Variants in HYDIN observed in about 807,000 individuals in gnomAD.
HYDIN encodes axonemal central pair apparatus protein HYDIN.
In HYDIN, 132 loss-of-function variants were observed where a neutral mutation model predicts 403.9. The ratio of observed to expected loss-of-function variants is 0.33; its 90% CI spans 0.28 to 0.38. HYDIN has a LOEUF of 0.38. HYDIN is among the 10% of genes least tolerant of loss of function. The probability of loss-of-function intolerance (pLI) is 1.00; values close to 1 mark genes in which losing one functional copy is unlikely to be tolerated. For missense variants in HYDIN, 2,827 were observed against 5,009.5 expected (o/e 0.56, Z 13.15); for synonymous variants, 1,202 against 1,891.7 (o/e 0.64, Z 9.46).
chr16:70,941,371 T>G (rs1241988798), intron 43 of HYDIN: 1 of 283,536 alleles, frequency 3.5e-6, no homozygotes, highest in African/African-American at 2.2e-5. Context: ...AGGAAATCAG[T>G]TGCCTGAGTC....
At chr16:71,222,511 A>G (rs1487752903) in intron 1 of HYDIN, among the ~76,000 whole-genome samples, 2 of 152,128 alleles carry the variant, frequency 1.3e-5, no homozygotes, top group African/African-American at 4.8e-5. Flanking sequence ...AAAAAAATAA[A>G]GGGCATCCAA....
intron 18 of HYDIN, among the ~76,000 whole-genome samples, chr16:71,056,379 T>C (rs1302472387): frequency 6.6e-6 from 1 of 152,022 alleles, no homozygotes; most frequent in Admixed American, 6.6e-5. Flanking sequence ...CATTCCATAC[T>C]ATATGAAGAG....
chr16:70,878,222 C>T (rs979230641), intron 62 of HYDIN, among the ~76,000 whole-genome samples: 18 of 150,862 alleles, frequency 1.2e-4, no homozygotes, highest in African/African-American at 4.4e-4. Context: ...CTCTTGCCTG[C>T]CACCACGTAA....
chr16:71,089,485 T>G (rs2083041763), intron 11 of HYDIN, among the ~76,000 whole-genome samples: 1 of 152,054 alleles, frequency 6.6e-6, no homozygotes, highest in African/African-American at 2.4e-5. Context: ...ATGAGAGATC[T>G]CAAAGAAACT....
intron 47 of HYDIN, among the ~76,000 whole-genome samples, chr16:70,916,263 G>A (rs531423621): frequency 9.5e-4 from 144 of 152,280 alleles, no homozygotes; most frequent in Middle Eastern, 3.4e-3. Flanking sequence ...AAAGATCCCT[G>A]TGATGCCAGA....
At chr16:71,056,359 ACT>A (rs1846554954) in intron 18 of HYDIN, among the ~76,000 whole-genome samples, 1 of 151,920 alleles carries the variant, frequency 6.6e-6, no homozygotes, top group South Asian at 2.1e-4. Context: ...TATAATCTTC[ACT>A]GTTTCTTCAT....
intron 36 of HYDIN, among the ~76,000 whole-genome samples, chr16:70,968,581 C>T (rs2078651266): frequency 6.6e-6 from 1 of 152,108 alleles, no homozygotes; most frequent in Non-Finnish European, 1.5e-5. Context: ...TACTGTTTGT[C>T]AAAGAAGGCC....
At chr16:71,074,102 C>T (rs1018821510) in intron 13 of HYDIN, among the ~76,000 whole-genome samples, 2 of 152,238 alleles carry the variant, frequency 1.3e-5, no homozygotes, top group African/African-American at 4.8e-5. Flanking sequence ...AGGAATGGAA[C>T]TTAGTGTCAA....
At chr16:71,049,439 C>T (rs1401859052) in intron 18 of HYDIN, among the ~76,000 whole-genome samples, 4 of 152,162 alleles carry the variant, frequency 2.6e-5, no homozygotes, top group South Asian at 2.1e-4. Context: ...ATTTCTCCAA[C>T]ATCCCCATGG....
chr16:71,021,842 G>A lies in HYDIN; in HGVS notation c.3187-1525C>T, dbSNP rs187614812. ...TACTTTGATATGACTCTGTCTTCCA[G>A]TTCTATGCCTAGCACAGTCTTCCTT... On this transcript the variant is annotated intron_variant, in intron 21 of 85. Transcript: ENST00000393567. Among the ~76,000 whole-genome samples the A allele has an allele frequency of 2.1e-4, 32 of 152,208 alleles. 1 individual carries two copies. Among genetic ancestry groups the A allele is most frequent in the Middle Eastern group, 3.4e-3 (1 of 294 alleles).
intron 42 of HYDIN, 84 bp from the exon 43 acceptor site, chr16:70,941,903 TC>T: frequency 2.2e-6 from 2 of 911,240 alleles, no homozygotes; most frequent in Non-Finnish European, 3.0e-6. Flanking sequence ...TGCAAAGGGT[TC>T]TGCAGACCTA....
intron 39 of HYDIN, among the ~76,000 whole-genome samples, chr16:70,957,289 G>A (rs927133736): frequency 4.0e-5 from 6 of 149,996 alleles, no homozygotes; most frequent in Non-Finnish European, 8.8e-5. Flanking sequence ...GGTCCTCAAG[G>A]TTCTTCCGTG....
At chr16:70,865,735 C>T (rs1292396941) in intron 67 of HYDIN, among the ~76,000 whole-genome samples, 1 of 151,760 alleles carries the variant, frequency 6.6e-6, no homozygotes, top group Non-Finnish European at 1.5e-5. Flanking sequence ...TCTGCAGGGA[C>T]CCCAGAAGAT....
intron 62 of HYDIN, among the ~76,000 whole-genome samples, chr16:70,877,488 C>G (rs1334348155): frequency 3.3e-5 from 5 of 152,170 alleles, no homozygotes; most frequent in Non-Finnish European, 5.9e-5. Context: ...CTTTTTGGCA[C>G]CAGGAACTGG....
chr16:71,030,549 C>T (rs2080870252), intron 19 of HYDIN, among the ~76,000 whole-genome samples: 1 of 151,790 alleles, frequency 6.6e-6, no homozygotes, highest in South Asian at 2.1e-4. Context: ...TCTCCCACCT[C>T]AGCCTCCTGA....
intron 4 of HYDIN, among the ~76,000 whole-genome samples, chr16:71,176,694 C>G (rs906845237): frequency 2.0e-5 from 3 of 152,226 alleles, no homozygotes; most frequent in Non-Finnish European, 4.4e-5. Context: ...CAGCTCCCAA[C>G]AGCTCCATTC....
At chr16:70,933,329 TG>T (rs2077405151) in intron 45 of HYDIN, among the ~76,000 whole-genome samples, 2 of 150,274 alleles carry the variant, frequency 1.3e-5, no homozygotes, top group South Asian at 4.3e-4. Context: ...AAAGAAGGGT[TG>T]GGGAGGAATA....
chr16:70,811,649 G>T (rs2035510367), intron 84 of HYDIN, among the ~76,000 whole-genome samples: 1 of 150,624 alleles, frequency 6.6e-6, no homozygotes, highest in African/African-American at 2.4e-5. Context: ...CCTGAGATTG[G>T]GAGTTTGAGA....
intron 25 of HYDIN, among the ~76,000 whole-genome samples, chr16:70,990,079 G>C (rs1323408455): frequency 1.3e-5 from 2 of 152,156 alleles, no homozygotes; most frequent in East Asian, 3.9e-4. Context: ...CAGAGGTGTT[G>C]GGAAAAGTAA....
Sources: allele counts gnomAD v4.1 joint callset (sites outside exome capture counted in the v4.1 genomes callset), GRCh38; gene constraint gnomAD v4.1.1; transcripts MANE v1.5; gene names NCBI Gene and HGNC (gene_info 2026-07-23, HGNC 2026-07-21).